Variants in HCRTR2 observed in about 807,000 individuals in gnomAD.
HCRTR2 encodes hypocretin receptor 2.
A neutral mutation model predicts 49.0 loss-of-function variants in HCRTR2; 22 were observed. The ratio of observed to expected loss-of-function variants is 0.45; its 90% CI spans 0.32 to 0.64. HCRTR2 has a LOEUF of 0.64. Among genes scored for constraint, HCRTR2 ranks in the 30% least tolerant of loss-of-function variants. The pLI is 0.04. For missense variants in HCRTR2, 491 were observed against 559.4 expected, an observed-to-expected ratio of 0.88 and a Z score of 1.23; for synonymous variants, 236 against 205.3, an observed-to-expected ratio of 1.15 and a Z score of -1.28.
chr6:55,235,336 A>G (rs1278222777), intron 1 of HCRTR2, among the ~76,000 whole-genome samples: 2 of 152,132 alleles, frequency 1.3e-5, no homozygotes, highest in Admixed American at 1.3e-4. Context: ...TGATAATTCA[A>G]TAAAAATATC....
chr6:55,258,289 GT>G (rs1766690396), intron 3 of HCRTR2, among the ~76,000 whole-genome samples: 2 of 152,088 alleles, frequency 1.3e-5, no homozygotes, highest in Admixed American at 1.3e-4. Context: ...AGTTATAAAA[GT>G]AGAGAGTAGA....
chr6:55,217,799 C>A (rs1283989884), intron 1 of HCRTR2, among the ~76,000 whole-genome samples: 1 of 152,056 alleles, frequency 6.6e-6, no homozygotes, highest in Non-Finnish European at 1.5e-5. Context: ...ATTTTTTTTG[C>A]CTGCTCCTCC....
chr6:55,245,856 A>G (rs9396071), intron 1 of HCRTR2, among the ~76,000 whole-genome samples: 26,259 of 151,804 alleles, frequency 0.17, 2,761 homozygotes, highest in Non-Finnish European at 0.24. Context: ...TTCTCCAAAA[A>G]TATATGATTA....
chr6:55,263,181 A>T (rs1261299807), intron 3 of HCRTR2, among the ~76,000 whole-genome samples: 1 of 151,950 alleles, frequency 6.6e-6, no homozygotes. Context: ...AGTTTTCAAA[A>T]TTTTTTTCAC....
intron 1 of HCRTR2, among the ~76,000 whole-genome samples, chr6:55,188,878 A>G (rs1217782429): frequency 6.6e-6 from 1 of 152,178 alleles, no homozygotes; most frequent in African/African-American, 2.4e-5. Flanking sequence ...TAGCATTTTG[A>G]GTTATTGTTG....
Position 55,187,338 on chromosome 6 carries a change from G to A in HCRTR2, c.223+12528G>A, listed in dbSNP as rs182080997. ...TGAGGCAGGAGAATCACTTCAACCC[G>A]GGAGACGGAGGTTGCAGTGAGCCAA... On this transcript the variant is annotated intron_variant, in intron 1 of 6. Transcript: ENST00000370862. Among the ~76,000 whole-genome samples the A allele has an allele frequency of 2.9e-3, 420 of 143,626 alleles. 4 individuals carry two copies. Among genetic ancestry groups the A allele is most frequent in the African/African-American group, 0.01 (406 of 38,916 alleles). The allele number at this position is 143,626 out of a possible 152,430, so 94.2% of individuals were successfully genotyped here.
chr6:55,148,181 C>A (rs4605886), intron 1 of HCRTR2, among the ~76,000 whole-genome samples: 22,406 of 151,886 alleles, frequency 0.15, 2,140 homozygotes, highest in Non-Finnish European at 0.21. Flanking sequence ...CAGCAAAGGG[C>A]AAAATTAATT....
At chr6:55,133,430 A>C (rs1764386449) in intron 1 of HCRTR2, among the ~76,000 whole-genome samples, 1 of 151,586 alleles carries the variant, frequency 6.6e-6, no homozygotes, top group South Asian at 2.1e-4. Context: ...TAAAATTCAG[A>C]AGGGGTATGC....
chr6:55,244,764 G>C (rs942295339), intron 1 of HCRTR2, among the ~76,000 whole-genome samples: 8 of 152,066 alleles, frequency 5.3e-5, no homozygotes, highest in African/African-American at 1.9e-4. Context: ...ACAGATACTA[G>C]GTTTTCTTCC....
chr6:55,184,122 T>C (rs1162457532), intron 1 of HCRTR2, among the ~76,000 whole-genome samples: 2 of 152,046 alleles, frequency 1.3e-5, no homozygotes, highest in Admixed American at 6.6e-5. Context: ...AGAGATGGGA[T>C]TTCACCGTGT....
At chr6:55,211,177 A>C (rs1277758985) in intron 1 of HCRTR2, among the ~76,000 whole-genome samples, 1 of 152,204 alleles carries the variant, frequency 6.6e-6, no homozygotes, top group Non-Finnish European at 1.5e-5. Flanking sequence ...TGTTTGCACA[A>C]TGATGAAATC....
chr6:55,254,692 A>G (rs956652981), intron 2 of HCRTR2, among the ~76,000 whole-genome samples: 18 of 151,946 alleles, frequency 1.2e-4, no homozygotes, highest in African/African-American at 3.6e-4. Flanking sequence ...TCAAATTTCT[A>G]TGTGGTAATT....
chr6:55,136,318 A>G lies in HCRTR2; in HGVS notation c.-378+29773A>G, dbSNP rs540780790. The stretch of plus-strand genomic sequence containing the variant: ...ATTCTAAACCTTGAATTTAACTACT[A>G]GAGCCGCAGTATGATTATAATAATG... On this transcript the variant is annotated intron_variant, in intron 1 of 7. Coordinates refer to the HCRTR2 transcript ENST00000615358. 3.0e-4 allele frequency among the ~76,000 whole-genome samples: 46 copies of G among 152,284 alleles called. No homozygotes were observed. The South Asian group carries it at 7.3e-3, about 24-fold the overall frequency.
chr6:55,141,332 A>G (rs911257685), intron 1 of HCRTR2, among the ~76,000 whole-genome samples: 3 of 152,158 alleles, frequency 2.0e-5, no homozygotes, highest in African/African-American at 7.2e-5. Flanking sequence ...CGACAGAGCA[A>G]GACTCTATCT....
chr6:55,209,039 T>A (rs1765653332), intron 1 of HCRTR2, among the ~76,000 whole-genome samples: 2 of 152,204 alleles, frequency 1.3e-5, no homozygotes. Flanking sequence ...TTTTCTAAGA[T>A]AACTATAGTG....
intron 1 of HCRTR2, among the ~76,000 whole-genome samples, chr6:55,144,915 A>G (rs1394721886): frequency 6.6e-6 from 1 of 152,186 alleles, no homozygotes; most frequent in African/African-American, 2.4e-5. Context: ...CAGGAATAAA[A>G]TGCCAAAATT....
chr6:55,269,230 C>T (rs1766924700), intron 4 of HCRTR2, among the ~76,000 whole-genome samples: 1 of 152,114 alleles, frequency 6.6e-6, no homozygotes, highest in Admixed American at 6.5e-5. Context: ...GCATATTTAT[C>T]CCATTTGCAC....
chr6:55,223,857 G>C (rs1765946205), intron 1 of HCRTR2, among the ~76,000 whole-genome samples: 1 of 152,102 alleles, frequency 6.6e-6, no homozygotes, highest in Admixed American at 6.5e-5. Context: ...TATCAATATG[G>C]AGGAAATTAT....
At chr6:55,203,417 T>C (rs1015413984) in intron 1 of HCRTR2, among the ~76,000 whole-genome samples, 1 of 152,198 alleles carries the variant, frequency 6.6e-6, no homozygotes, top group Non-Finnish European at 1.5e-5. Context: ...TGCCCAACTA[T>C]GTTATAGTCA....
Sources: gnomAD v4.1 joint callset for allele counts (sites outside exome capture counted in the v4.1 genomes callset) on GRCh38, gnomAD v4.1.1 for gene constraint, MANE v1.5 for transcripts, NCBI Gene and HGNC (gene_info 2026-07-23, HGNC 2026-07-21) for gene names.